Variants in LRRC7 observed in about 807,000 individuals in gnomAD.
LRRC7 encodes the protein leucine rich repeat containing 7.
In LRRC7, 23 loss-of-function variants were observed where a neutral mutation model predicts 175.7. The ratio of observed to expected loss-of-function variants is 0.13; its 90% confidence interval spans 0.09 to 0.19. The LOEUF is 0.19. Ranked by LOEUF, LRRC7 falls within the 10% of genes least tolerant of loss-of-function variation. The pLI is 1.00. For synonymous variants in LRRC7, 685 were observed against 680.9 expected (o/e 1.01, Z -0.09); for missense variants, 1,354 against 1,904.7 (o/e 0.71, Z 5.38).
Position 70,089,823 on chromosome 1 carries a change from A to G in LRRC7, c.4545+4A>G. On this transcript the variant is annotated splice_donor_region_variant and intron_variant, in intron 25 of 26. Transcript: ENST00000651989. ...TCCATTCAAACCTTCTGACAAGGTA[A>G]GAAATGAATATCTTGTTGACAATAT... 6.5e-7 allele frequency: 1 copy of G among 1,549,988 alleles called. No homozygotes were observed. Among genetic ancestry groups the G allele is most frequent in the Non-Finnish European group, 8.9e-7 (1 of 1,125,060 alleles).
chr1:69,717,961 A>AG (rs1557642349), intron 2 of LRRC7, among the ~76,000 whole-genome samples: 1 of 52,970 alleles, frequency 1.9e-5, no homozygotes, highest in African/African-American at 1.6e-4. Flanking sequence ...AGAAAGAAGA[A>AG]AAAGAAAGAA....
At chr1:69,577,476 T>A (rs1646001558) in intron 1 of LRRC7, among the ~76,000 whole-genome samples, 1 of 152,216 alleles carries the variant, frequency 6.6e-6, no homozygotes. Flanking sequence ...CTGAATGGTA[T>A]TGCCTAGGTT....
chr1:70,066,993 C>T (rs655588), intron 23 of LRRC7, among the ~76,000 whole-genome samples: 139,078 of 152,090 alleles, frequency 0.91, 63,814 homozygotes, highest in African/African-American at 0.98. Context: ...ATTATGCAAA[C>T]ATTGTGGTTT....
chr1:69,703,505 A>T (rs776790833), intron 2 of LRRC7, among the ~76,000 whole-genome samples: 2 of 152,022 alleles, frequency 1.3e-5, no homozygotes, highest in Non-Finnish European at 2.9e-5. Flanking sequence ...TTGAGGAAGA[A>T]CATTGTATTA....
intron 1 of LRRC7, among the ~76,000 whole-genome samples, chr1:69,664,617 G>A (rs1389041268): frequency 6.6e-6 from 1 of 152,146 alleles, no homozygotes; most frequent in Non-Finnish European, 1.5e-5. Context: ...TTTGAGAAAT[G>A]TCTATTCAGA....
At chr1:69,877,298 C>T (rs1364674220) in intron 7 of LRRC7, among the ~76,000 whole-genome samples, 4 of 152,070 alleles carry the variant, frequency 2.6e-5, no homozygotes, top group Non-Finnish European at 5.9e-5. Context: ...ATAACAAAAG[C>T]CACTCTGGGC....
At chr1:69,749,484 A>G (rs942493831) in intron 2 of LRRC7, among the ~76,000 whole-genome samples, 3 of 152,188 alleles carry the variant, frequency 2.0e-5, no homozygotes, top group African/African-American at 7.2e-5. Context: ...TTGTTTAACA[A>G]TGCACACTAT....
rs150989240 is a variant in LRRC7 at position 70,003,420 on chromosome 1, C to G, written c.1005-8377C>G. Among the ~76,000 whole-genome samples the G allele has an allele frequency of 3.3e-3, 504 of 152,256 alleles. 2 individuals carry two copies. The highest frequency in any genetic ancestry group is 0.011 in the African/African-American group (476 of 41,550). Reference sequence around the variant, plus strand: ...TTGAAATTGTTTCCATGCTTTGTGACAGAGTCCTGAAGAATAAACTGTTTT... The same window carrying G: ...TTGAAATTGTTTCCATGCTTTGTGAGAGAGTCCTGAAGAATAAACTGTTTT... On this transcript the variant is annotated intron_variant, in intron 11 of 26. Transcript: ENST00000651989.
At chr1:70,090,277 G>A (rs949108230) in intron 25 of LRRC7, among the ~76,000 whole-genome samples, 3 of 152,158 alleles carry the variant, frequency 2.0e-5, no homozygotes, top group Non-Finnish European at 4.4e-5. Flanking sequence ...CATCAAGCAT[G>A]TAAAGAATTT....
In LRRC7 at chr1:69,662,295, G is replaced by C. The variant is rs1054015386; in HGVS notation, c.3-16086G>C. Among the ~76,000 whole-genome samples, 26 of 152,238 alleles carry C rather than the reference G, an allele frequency of 1.7e-4. 1 individual carries two copies. The highest frequency in any genetic ancestry group is 5.8e-4 in the East Asian group (3 of 5,186). ...TAAAAATAAATATTTAATGTTTGCT[G>C]TGGTCAGTGTTGTTTACAAAAGGTA... is the stretch of plus-strand genomic sequence containing the variant. On this transcript the variant is annotated intron_variant, in intron 1 of 26. Coordinates refer to ENST00000651989, the MANE Select transcript of LRRC7 (RefSeq NM_001370785.2).
chr1:69,979,811 G>A (rs998484942), intron 8 of LRRC7, among the ~76,000 whole-genome samples: 3 of 151,772 alleles, frequency 2.0e-5, no homozygotes, highest in African/African-American at 7.3e-5. Flanking sequence ...CATAGTATTA[G>A]GTTGGTGCAA....
In LRRC7 at chr1:70,127,449, C is replaced by T. The variant is rs961149273; in HGVS notation, c.*5562C>T. Among the ~76,000 whole-genome samples, 3 of 151,984 alleles carry T rather than the reference C, an allele frequency of 2.0e-5. No individual in the cohort carries two copies. Among genetic ancestry groups the T allele is most frequent in the Non-Finnish European group, 4.4e-5 (3 of 68,016 alleles). On this transcript the variant is annotated 3_prime_UTR_variant, in exon 27 of 27. Coordinates refer to ENST00000651989, the MANE Select transcript of LRRC7 (RefSeq NM_001370785.2). ...AGTTAAAGTATAGGAATATTGAGTC[C>T]CTTGGGATTTTAACCATGTGATTAT...
At chr1:69,649,813 T>G (rs1655521808) in intron 1 of LRRC7, among the ~76,000 whole-genome samples, 1 of 151,800 alleles carries the variant, frequency 6.6e-6, no homozygotes, top group African/African-American at 2.4e-5. Context: ...ACAAAACGGC[T>G]TAAGGGTGGT....
intron 1 of LRRC7, among the ~76,000 whole-genome samples, chr1:69,655,942 A>G (rs1254336460): frequency 3.9e-5 from 6 of 152,050 alleles, no homozygotes; most frequent in East Asian, 1.9e-4. Context: ...TAATTTGAAT[A>G]TTAGACTACA....
At position 70,142,199 on chromosome 1, in the gene LRRC7, T is replaced by G. The variant is rs1667088113; in HGVS notation, c.*20312T>G. 2 of 152,160 alleles carry G rather than the reference T, an allele frequency of 1.3e-5. No homozygotes were observed. The highest frequency in any genetic ancestry group is 4.1e-4 in the South Asian group (2 of 4,830). 9.4% of individuals were successfully genotyped at this position (152,160 alleles called of 1,614,324 possible). On this transcript the variant is annotated 3_prime_UTR_variant, in exon 27 of 27. Transcript: ENST00000651989. ...ATTTTTATTTTCAATACTTGTAGTCTTTCCACTCAGAGGACTCTTATTTGG... is the reference window on the plus strand; with the variant it reads ...ATTTTTATTTTCAATACTTGTAGTCGTTCCACTCAGAGGACTCTTATTTGG...
At chr1:69,608,609 T>A (rs1303878132) in intron 1 of LRRC7, among the ~76,000 whole-genome samples, 1 of 151,910 alleles carries the variant, frequency 6.6e-6, no homozygotes, top group Non-Finnish European at 1.5e-5. Context: ...CAGTTCCTAA[T>A]ATAATTTCTT....
chr1:69,668,627 G>A (rs1249646304), intron 1 of LRRC7, among the ~76,000 whole-genome samples: 15 of 152,166 alleles, frequency 9.9e-5, no homozygotes, highest in Non-Finnish European at 1.3e-4. Context: ...TGTCTTTATA[G>A]TAGAATGATT....
chr1:70,005,215 A>G (rs1285265245), intron 11 of LRRC7, among the ~76,000 whole-genome samples: 1 of 152,104 alleles, frequency 6.6e-6, no homozygotes, highest in Non-Finnish European at 1.5e-5. Flanking sequence ...TCAGCTATTA[A>G]GTATCTACAC....
At chr1:70,071,181 T>A (rs1662359049) in intron 23 of LRRC7, among the ~76,000 whole-genome samples, 1 of 152,184 alleles carries the variant, frequency 6.6e-6, no homozygotes, top group Admixed American at 6.5e-5. Flanking sequence ...GAGAGTAGGC[T>A]TTTGTTGAAG....
Sources: allele counts gnomAD v4.1 joint callset (sites outside exome capture counted in the v4.1 genomes callset), GRCh38; gene constraint gnomAD v4.1.1; transcripts MANE v1.5; gene names NCBI Gene and HGNC (gene_info 2026-07-23, HGNC 2026-07-21).